The following VAV3 variants were observed in gnomAD, a reference collection of about 807,000 sequenced individuals.
VAV3 encodes the protein guanine nucleotide exchange factor VAV3.
Under a neutral mutation model 131.2 loss-of-function variants are expected in VAV3, and 94 were observed. The observed-to-expected ratio is 0.72, with a 90% CI of 0.61 to 0.85. The LOEUF (loss-of-function observed/expected upper bound fraction) is 0.85, where lower values mean the gene tolerates loss of function less well. Ranked by LOEUF, VAV3 falls within the 40% of genes least tolerant of loss-of-function variation. The pLI is 0.00. For missense variants in VAV3, 939 were observed against 1,002.7 expected (o/e 0.94, Z 0.86); for synonymous variants, 349 against 342.0 (o/e 1.02, Z -0.22).
intron 1 of VAV3, among the ~76,000 whole-genome samples, chr1:107,901,537 G>A (rs927797423): frequency 6.6e-6 from 1 of 152,122 alleles, no homozygotes; most frequent in East Asian, 1.9e-4. Flanking sequence ...AAAAATGAGG[G>A]TGTGGTGGTG....
chr1:107,721,650 CA>C (rs1416945060), intron 15 of VAV3, among the ~76,000 whole-genome samples: 3 of 151,910 alleles, frequency 2.0e-5, no homozygotes, highest in Non-Finnish European at 4.4e-5. Flanking sequence ...TTTCTCTCCA[CA>C]AAGGAAATCA....
At chr1:107,694,544 C>CTA (rs1659632553) in intron 17 of VAV3, among the ~76,000 whole-genome samples, 1 of 152,180 alleles carries the variant, frequency 6.6e-6, no homozygotes, top group African/African-American at 2.4e-5. Flanking sequence ...TCTAAAAGGT[C>CTA]TACCTAATTT....
chr1:107,782,970 CAT>C (rs1553207452), intron 2 of VAV3, among the ~76,000 whole-genome samples: 1 of 152,210 alleles, frequency 6.6e-6, no homozygotes, highest in Non-Finnish European at 1.5e-5. Flanking sequence ...CAGAAACAGA[CAT>C]AGCTAGTAAC....
chr1:107,852,436 A>G (rs544063318), intron 2 of VAV3, among the ~76,000 whole-genome samples: 2 of 152,330 alleles, frequency 1.3e-5, no homozygotes, highest in South Asian at 4.1e-4. Context: ...ACTGAAAAAC[A>G]AACACAGTTA....
chr1:107,946,970 G>A (rs1020221080), intron 1 of VAV3, among the ~76,000 whole-genome samples: 2 of 152,196 alleles, frequency 1.3e-5, no homozygotes, highest in Non-Finnish European at 2.9e-5. Context: ...CATGACAGCA[G>A]CCTACAGCAC....
intron 19 of VAV3, among the ~76,000 whole-genome samples, chr1:107,653,261 A>G (rs74992728): frequency 0.099 from 15,080 of 151,660 alleles, 1,013 homozygotes; most frequent in Non-Finnish European, 0.15. Flanking sequence ...GAGGCTATGG[A>G]GCCCTTAGCT....
chr1:107,864,183 T>A (rs1272624135), intron 2 of VAV3, among the ~76,000 whole-genome samples: 1 of 152,174 alleles, frequency 6.6e-6, no homozygotes, highest in Non-Finnish European at 1.5e-5. Flanking sequence ...CATCTACCAA[T>A]AAGTGGCATT....
intron 1 of VAV3, among the ~76,000 whole-genome samples, chr1:107,886,067 T>C (rs1671021334): frequency 6.6e-6 from 1 of 152,158 alleles, no homozygotes; most frequent in African/African-American, 2.4e-5. Flanking sequence ...GGGACTAGCA[T>C]ATGAAAAGGC....
At chr1:107,640,152 A>G (rs1655234812) in intron 20 of VAV3, among the ~76,000 whole-genome samples, 1 of 152,182 alleles carries the variant, frequency 6.6e-6, no homozygotes, top group South Asian at 2.1e-4. Flanking sequence ...ATGTCCATAC[A>G]AAGAATTATA....
At chr1:107,574,990 TGTGC>T (rs1289288946) in intron 25 of VAV3, among the ~76,000 whole-genome samples, 1 of 35,036 alleles carries the variant, frequency 2.9e-5, no homozygotes, top group African/African-American at 6.2e-5. Context: ...TGTGTGTGTG[TGTGC>T]GTGCGTGCGC....
chr1:107,879,216 A>AT, intron 1 of VAV3, among the ~76,000 whole-genome samples: 1 of 152,132 alleles, frequency 6.6e-6, no homozygotes, highest in Non-Finnish European at 1.5e-5. Flanking sequence ...ATTTCTCCAA[A>AT]TAAGTCTTAT....
intron 2 of VAV3, among the ~76,000 whole-genome samples, chr1:107,833,504 T>C (rs1265780768): frequency 6.6e-6 from 1 of 152,200 alleles, no homozygotes; most frequent in African/African-American, 2.4e-5. Context: ...TTTGTTCAAA[T>C]CTCTCTTCTA....
chr1:107,669,197 T>C, intron 19 of VAV3: 1 of 1,148,212 alleles, frequency 8.7e-7, no homozygotes, highest in Non-Finnish European at 1.1e-6. Context: ...CTGCTCAAAG[T>C]CTTCTTTCCA....
chr1:107,877,970 C>T (rs1248687614), intron 1 of VAV3, among the ~76,000 whole-genome samples: 1 of 152,170 alleles, frequency 6.6e-6, no homozygotes, highest in Non-Finnish European at 1.5e-5. Context: ...GGCTGCCAGC[C>T]TGCCAGCAGT....
chr1:107,643,083 T>C (rs1043809770), intron 19 of VAV3, among the ~76,000 whole-genome samples: 9 of 152,120 alleles, frequency 5.9e-5, no homozygotes, highest in Admixed American at 5.9e-4. Context: ...TGGAAAAGAA[T>C]CAATTTTTTC....
intron 2 of VAV3, among the ~76,000 whole-genome samples, chr1:107,866,039 A>G (rs1669970103): frequency 6.6e-6 from 1 of 152,122 alleles, no homozygotes; most frequent in South Asian, 2.1e-4. Flanking sequence ...TCCCAAGGAT[A>G]AGGAGGGTAC....
chr1:107,808,124 A>G (rs1365230934), intron 2 of VAV3, among the ~76,000 whole-genome samples: 3 of 152,196 alleles, frequency 2.0e-5, no homozygotes, highest in African/African-American at 7.2e-5. Flanking sequence ...ATTTTATACA[A>G]TGTCCTGGGA....
chr1:107,601,385 CA>C (rs1454147856), intron 24 of VAV3, among the ~76,000 whole-genome samples: 1 of 152,178 alleles, frequency 6.6e-6, no homozygotes, highest in African/African-American at 2.4e-5. Context: ...TGCCTTGAAG[CA>C]GTTCTACATT....
chr1:107,870,462 T>C (rs749728245), intron 2 of VAV3, among the ~76,000 whole-genome samples: 1 of 152,190 alleles, frequency 6.6e-6, no homozygotes, highest in Non-Finnish European at 1.5e-5. Flanking sequence ...TTCATGTCCT[T>C]AGCCCACTTT....
Sources: allele counts gnomAD v4.1 joint callset (sites outside exome capture counted in the v4.1 genomes callset), GRCh38; gene constraint gnomAD v4.1.1; transcripts MANE v1.5; gene names NCBI Gene and HGNC (gene_info 2026-07-23, HGNC 2026-07-21).